Variants in HLCS observed in about 807,000 individuals in gnomAD.
HLCS encodes biotin--protein ligase.
A neutral mutation model predicts 75.0 loss-of-function variants in HLCS; 53 were observed. The ratio of observed to expected loss-of-function variants is 0.71; its 90% CI spans 0.57 to 0.89. The LOEUF is 0.89. Ranked by LOEUF, HLCS falls within the 40% of genes least tolerant of loss-of-function variation. The probability of loss-of-function intolerance (pLI) is 0.00; values close to 1 mark genes in which losing one functional copy is unlikely to be tolerated. For synonymous variants in HLCS, 431 were observed against 428.6 expected (o/e 1.01, Z -0.07); for missense variants, 966 against 1,074.0 (o/e 0.90, Z 1.41).
chr21:36,982,264 G>A (rs989854593), intron 1 of HLCS, among the ~76,000 whole-genome samples: 1 of 152,102 alleles, frequency 6.6e-6, no homozygotes, highest in Non-Finnish European at 1.5e-5. Flanking sequence ...GATCAACATG[G>A]GGTTATCTCC....
At chr21:36,807,555 C>G (rs2061395942) in intron 6 of HLCS, among the ~76,000 whole-genome samples, 1 of 152,222 alleles carries the variant, frequency 6.6e-6, no homozygotes. Context: ...CCTGGTGTGG[C>G]TGCTGCCACT....
At position 36,889,543 on chromosome 21, in the gene HLCS, C is replaced by T. The variant is rs116147978; in HGVS notation, c.1892+7317G>A. Among the ~76,000 whole-genome samples the T allele has an allele frequency of 9.5e-3, 1,445 of 152,286 alleles. 27 individuals are homozygous for T. The highest frequency in any genetic ancestry group is 0.033 in the African/African-American group (1,360 of 41,546). The stretch of plus-strand genomic sequence containing the variant: ...AGATTAAATGGAATGTGCCACACAC[C>T]CACTACGTCAAGGCAGACTGAACTC... On this transcript the variant is annotated intron_variant, in intron 6 of 10. Coordinates refer to ENST00000674895, the MANE Select transcript of HLCS (RefSeq NM_001352514.2).
intron 6 of HLCS, among the ~76,000 whole-genome samples, chr21:36,865,649 C>T (rs1230433050): frequency 6.6e-6 from 1 of 152,124 alleles, no homozygotes; most frequent in Non-Finnish European, 1.5e-5. Flanking sequence ...TCATTTCAAC[C>T]CTGGTTGTTC....
intron 6 of HLCS, among the ~76,000 whole-genome samples, chr21:36,837,349 T>C (rs2062449880): frequency 6.6e-6 from 1 of 152,196 alleles, no homozygotes; most frequent in Non-Finnish European, 1.5e-5. Flanking sequence ...GGGGATCCTT[T>C]TAAATAGAAA....
At chr21:36,987,033 C>A (rs2069240994) in intron 1 of HLCS, among the ~76,000 whole-genome samples, 1 of 152,104 alleles carries the variant, frequency 6.6e-6, no homozygotes, top group Non-Finnish European at 1.5e-5. Flanking sequence ...TCAAATTGTT[C>A]CAGGTTTGGC....
intron 4 of HLCS, among the ~76,000 whole-genome samples, chr21:36,932,192 A>G (rs992893633): frequency 3.3e-5 from 5 of 152,216 alleles, no homozygotes; most frequent in Admixed American, 2.6e-4. Context: ...AAATGTACAT[A>G]TAATTCATAT....
At position 36,837,757 on chromosome 21, in the gene HLCS, T is replaced by C. The variant is rs113028410; in HGVS notation, c.1892+59103A>G. Among the ~76,000 whole-genome samples, 1,097 of 152,322 alleles carry C rather than the reference T, an allele frequency of 7.2e-3. 15 individuals carry two copies. Among genetic ancestry groups the C allele is most frequent in the South Asian group, 0.017 (82 of 4,820 alleles). On this transcript the variant is annotated intron_variant, in intron 6 of 10. Coordinates refer to ENST00000674895, the MANE Select transcript of HLCS (RefSeq NM_001352514.2). ...TGCAAGTCGGCTGCAATCATGAACATTGTATCAAGCCAAGTAATGAAAGCC... is the reference window on the plus strand; with the variant it reads ...TGCAAGTCGGCTGCAATCATGAACACTGTATCAAGCCAAGTAATGAAAGCC...
intron 6 of HLCS, among the ~76,000 whole-genome samples, chr21:36,773,572 G>A (rs1001273977): frequency 6.6e-6 from 1 of 152,190 alleles, no homozygotes; most frequent in African/African-American, 2.4e-5. Flanking sequence ...TCAGCTCATG[G>A]TCCTGGCCTG....
intron 7 of HLCS, 30 bp downstream of exon 7, chr21:36,767,188 T>G: frequency 6.2e-7 from 1 of 1,608,236 alleles, no homozygotes; most frequent in Non-Finnish European, 8.5e-7. Flanking sequence ...AAAACAGAAG[T>G]AACAGCAATG....
rs111843214 is a variant in HLCS, at chr21:36,938,662, C to G, written c.493+170G>C. Among the ~76,000 whole-genome samples, 1,993 of 152,178 alleles carry G rather than the reference C, an allele frequency of 0.013. 36 individuals are homozygous for G. Among genetic ancestry groups the G allele is most frequent in the African/African-American group, 0.045 (1,862 of 41,496 alleles). On this transcript the variant is annotated intron_variant, in intron 3 of 10. Transcript: ENST00000674895. ...CACAGGCATGCACCACCACACCCAG[C>G]TAATTTTTTTGTTTGTTTGTTTTTT...
At chr21:36,770,455 C>T (rs748287365) in intron 6 of HLCS, among the ~76,000 whole-genome samples, 6 of 152,030 alleles carry the variant, frequency 3.9e-5, no homozygotes, top group Non-Finnish European at 7.4e-5. Flanking sequence ...CCAAAAACTA[C>T]ATATACTTTT....
At chr21:36,780,672 T>TATTATATTG (rs1455436639) in intron 6 of HLCS, among the ~76,000 whole-genome samples, 2 of 152,098 alleles carry the variant, frequency 1.3e-5, no homozygotes, top group African/African-American at 4.8e-5. Context: ...TGGAGGTATA[T>TATTATATTG]CTTCAGGGTA....
At chr21:36,850,562 G>A (rs1302956199) in intron 6 of HLCS, among the ~76,000 whole-genome samples, 5 of 152,186 alleles carry the variant, frequency 3.3e-5, no homozygotes, top group Non-Finnish European at 5.9e-5. Flanking sequence ...CAGGGTGACG[G>A]GGCATGGACC....
At chr21:36,839,509 G>A (rs977506232) in intron 6 of HLCS, among the ~76,000 whole-genome samples, 4 of 152,114 alleles carry the variant, frequency 2.6e-5, no homozygotes, top group African/African-American at 7.2e-5. Context: ...GAAGGGAGAC[G>A]GGAGAGGTGG....
At position 36,761,848 on chromosome 21, in the gene HLCS, G is replaced by A. The variant is rs80274354; in HGVS notation, c.2122-2007C>T. ...GGGAATGAGCCCCTGCCTCGCCGGC[G>A]GGAGGACACCTGCAGAGTTCCCAGA... On this transcript the variant is annotated intron_variant, in intron 8 of 10. Coordinates refer to ENST00000674895, the MANE Select transcript of HLCS (RefSeq NM_001352514.2). 2.4e-3 allele frequency among the ~76,000 whole-genome samples: 371 copies of A among 152,282 alleles called. 1 individual carries two copies. The highest frequency in any genetic ancestry group is 4.1e-3 in the Non-Finnish European group (276 of 68,010).
chr21:36,871,484 G>A (rs950263736), intron 6 of HLCS, among the ~76,000 whole-genome samples: 2 of 151,922 alleles, frequency 1.3e-5, no homozygotes, highest in African/African-American at 2.4e-5. Context: ...CACCACAGAC[G>A]GCCCTTTATC....
At chr21:36,963,033 A>T (rs2068388167) in intron 1 of HLCS, among the ~76,000 whole-genome samples, 1 of 152,214 alleles carries the variant, frequency 6.6e-6, no homozygotes, top group African/African-American at 2.4e-5. Context: ...ATCCAGAGAG[A>T]AAAGCTATTT....
intron 6 of HLCS, among the ~76,000 whole-genome samples, chr21:36,867,763 A>G (rs776922012): frequency 2.6e-5 from 4 of 152,214 alleles, no homozygotes; most frequent in African/African-American, 4.8e-5. Context: ...GGAGAACTAC[A>G]TGCCCTTCTT....
rs574529988 is a variant in HLCS, at chr21:36,957,853, C to T, written c.330+4183G>A. On this transcript the variant is annotated intron_variant, in intron 2 of 10. Coordinates refer to ENST00000674895, the MANE Select transcript of HLCS (RefSeq NM_001352514.2). Reference sequence around the variant, plus strand: ...CTGAGGAAGGAGAATGGCATGAACCCGGGAGGCAGAGCTTGCAGTGAGCCG... The same window carrying T: ...CTGAGGAAGGAGAATGGCATGAACCTGGGAGGCAGAGCTTGCAGTGAGCCG... Among the ~76,000 whole-genome samples, 647 of 148,104 alleles carry T rather than the reference C, an allele frequency of 4.4e-3. 2 individuals are homozygous for T. Among genetic ancestry groups the T allele is most frequent in the African/African-American group, 0.015 (590 of 40,148 alleles).
Sources: gnomAD v4.1 joint callset for allele counts (sites outside exome capture counted in the v4.1 genomes callset) on GRCh38, gnomAD v4.1.1 for gene constraint, MANE v1.5 for transcripts, NCBI Gene and HGNC (gene_info 2026-07-23, HGNC 2026-07-21) for gene names.